SLC43A1: variants seen among roughly 807,000 people sequenced by gnomAD.
SLC43A1 encodes the protein solute carrier family 43 member 1.
A neutral mutation model predicts 59.5 loss-of-function variants in SLC43A1; 31 were observed. The observed-to-expected ratio is 0.52, with a 90% CI of 0.39 to 0.70. SLC43A1 has a LOEUF of 0.70. Among genes scored for constraint, SLC43A1 ranks in the 30% least tolerant of loss-of-function variants. SLC43A1 has a pLI of 0.00. For missense variants in SLC43A1, 598 were observed against 717.8 expected (o/e 0.83, Z 1.91); for synonymous variants, 259 against 290.9 (o/e 0.89, Z 1.12).
chr11:57,509,078 T>C (rs1277406054), intron 2 of SLC43A1, among the ~76,000 whole-genome samples: 1 of 150,982 alleles, frequency 6.6e-6, no homozygotes. Context: ...ATGAAGCCAT[T>C]GCACTCCAGC....
intron 8 of SLC43A1, 63 bp from the exon 9 acceptor site, chr11:57,491,925 G>A: frequency 2.0e-6 from 3 of 1,526,184 alleles, no homozygotes; most frequent in Non-Finnish European, 9.0e-7. Flanking sequence ...GATTGTCCCA[G>A]CTCATGCAGT....
chr11:57,494,344 G>A (rs1017049399), intron 7 of SLC43A1, 173 bp from the exon 8 acceptor site: 6 of 608,054 alleles, frequency 9.9e-6, no homozygotes, highest in Admixed American at 7.0e-5. Flanking sequence ...CTTGGCTCAG[G>A]GACCAGCTTA....
At chr11:57,497,540 A>G (rs1370486753) in intron 6 of SLC43A1, among the ~76,000 whole-genome samples, 2 of 152,220 alleles carry the variant, frequency 1.3e-5, no homozygotes, top group Non-Finnish European at 2.9e-5. Context: ...AAGTCACGTG[A>G]GTGACAGAGT....
At chr11:57,513,923 T>TACCCCC in intron 2 of SLC43A1, 35 bp downstream of exon 2, 31 of 1,162,200 alleles carry the variant, frequency 2.7e-5, no homozygotes, top group Non-Finnish European at 2.6e-5. Flanking sequence ...TTGCCATCCC[T>TACCCCC]CCCCCCAGCC....
chr11:57,497,974 T>A, intron 5 of SLC43A1, 129 bp from the exon 6 acceptor site: 2 of 643,924 alleles, frequency 3.1e-6, no homozygotes, highest in Non-Finnish European at 5.3e-6. Context: ...AACAGAAAAA[T>A]CAATGTGGGA....
chr11:57,499,846 G>A (rs1944205580), intron 5 of SLC43A1, among the ~76,000 whole-genome samples: 2 of 152,150 alleles, frequency 1.3e-5, no homozygotes, highest in African/African-American at 4.8e-5. Context: ...AAGCGCCGGA[G>A]AGAAGGGATT....
rs781395391 is a variant in SLC43A1 at position 57,500,995 on chromosome 11, G to A, written c.381C>T (p.Asp127=). The part of the protein sequence containing the change: ...SCTLMALASR[D]VEALSPLIFL... ...AGAGGACAGACAACTCACCTTCCACGTCCCGGGAGGCCAGGGCCATGAGGG... is the reference window on the plus strand; with the variant it reads ...AGAGGACAGACAACTCACCTTCCACATCCCGGGAGGCCAGGGCCATGAGGG... Residue 127 remains aspartate (D), a synonymous_variant, in exon 4 of 15, where the codon GAC becomes GAT. Transcript: ENST00000278426. The A allele has an allele frequency of 1.3e-5, 21 of 1,598,990 alleles. No homozygotes were observed. The Admixed American group carries it at 1.4e-4, about 11-fold the overall frequency.
chr11:57,504,938 T>C (rs1251931173), intron 2 of SLC43A1, among the ~76,000 whole-genome samples: 1 of 152,206 alleles, frequency 6.6e-6, no homozygotes, highest in East Asian at 1.9e-4. Context: ...AATTCTGAAC[T>C]AAAAGGAGAG....
chr11:57,495,966 C>G lies in SLC43A1; in HGVS notation c.692+65G>C, dbSNP rs878948219. On this transcript the variant is annotated intron_variant, in intron 7 of 14. Coordinates refer to ENST00000278426, the MANE Select transcript of SLC43A1 (RefSeq NM_003627.6). ...GTCTCTCTGAATCCAAAGTTAATTC[C>G]GTCTATCATATCACCACAGCCCTCT... 22 of 1,558,060 alleles carry G rather than the reference C, an allele frequency of 1.4e-5. No homozygotes were observed. In the South Asian group the frequency reaches 1.9e-4, roughly 14 times the overall value.
chr11:57,500,737 C>G (rs758526727), intron 5 of SLC43A1, 42 bp downstream of exon 5: 2 of 1,590,234 alleles, frequency 1.3e-6, no homozygotes, highest in Admixed American at 3.3e-5. Context: ...CCTCACCCCA[C>G]TCGGGGGAAC....
chr11:57,488,240 G>T (rs1943798783), intron 13 of SLC43A1, among the ~76,000 whole-genome samples: 1 of 152,186 alleles, frequency 6.6e-6, no homozygotes, highest in Non-Finnish European at 1.5e-5. Context: ...TGACAAGAAG[G>T]GTCAGATTTG....
chr11:57,494,725 T>C (rs543989891), intron 7 of SLC43A1, among the ~76,000 whole-genome samples: 71 of 152,156 alleles, frequency 4.7e-4, no homozygotes, highest in Non-Finnish European at 9.1e-4. Context: ...CCACAAAAGA[T>C]GGGGTGCTTG....
chr11:57,513,655 C>T (rs75769740), intron 2 of SLC43A1, among the ~76,000 whole-genome samples: 1 of 152,324 alleles, frequency 6.6e-6, no homozygotes, highest in Non-Finnish European at 1.5e-5. Flanking sequence ...AATTCCTCTC[C>T]CAGCACGTCT....
At chr11:57,488,704 G>C (rs1252507137) in intron 13 of SLC43A1, among the ~76,000 whole-genome samples, 2 of 152,210 alleles carry the variant, frequency 1.3e-5, no homozygotes, top group African/African-American at 2.4e-5. Flanking sequence ...GTGTCATCAA[G>C]CCAGGTATTT....
intron 2 of SLC43A1, among the ~76,000 whole-genome samples, chr11:57,508,262 A>G (rs1016044269): frequency 9.3e-6 from 1 of 107,726 alleles, no homozygotes; most frequent in Non-Finnish European, 2.1e-5. Context: ...GCGAGATTCC[A>G]TCTCCAAAAA....
At chr11:57,501,091 C>T (rs745637308) in intron 3 of SLC43A1, 48 bp from the exon 4 acceptor site, 2 of 1,607,994 alleles carry the variant, frequency 1.2e-6, no homozygotes, top group South Asian at 1.1e-5. Flanking sequence ...GAGCACCCCC[C>T]CTCCCCTCCC....
chr11:57,503,417 G>A (rs1392242308), intron 2 of SLC43A1, among the ~76,000 whole-genome samples: 1 of 148,146 alleles, frequency 6.8e-6, no homozygotes, highest in African/African-American at 2.5e-5. Flanking sequence ...TTGACCTCCC[G>A]AGTTCAAGTG....
intron 5 of SLC43A1, 106 bp downstream of exon 5, chr11:57,500,672 GT>G: frequency 2.1e-6 from 2 of 933,828 alleles, no homozygotes; most frequent in Non-Finnish European, 3.4e-6. Context: ...AGTGATCTGC[GT>G]CCACAGGCCC....
intron 11 of SLC43A1, among the ~76,000 whole-genome samples, chr11:57,489,609 G>A (rs913493797): frequency 7.2e-5 from 11 of 152,178 alleles, no homozygotes; most frequent in South Asian, 2.1e-4. Context: ...GCATCAAAGC[G>A]GGTGCTTTCT....
Sources: gnomAD v4.1 joint callset for allele counts (sites outside exome capture counted in the v4.1 genomes callset) on GRCh38, gnomAD v4.1.1 for gene constraint, MANE v1.5 for transcripts, NCBI Gene and HGNC (gene_info 2026-07-23, HGNC 2026-07-21) for gene names.